Variants in EYS observed in about 807,000 individuals in gnomAD.
EYS encodes EGF-like photoreceptor maintenance factor.
EYS carries 250 observed loss-of-function variants against 282.1 expected under a neutral mutation model. The ratio of observed to expected loss-of-function variants is 0.89; its 90% CI spans 0.80 to 0.98. The LOEUF is 0.98. EYS is among the 50% of genes least tolerant of loss of function. The pLI, the probability that EYS is intolerant of heterozygous loss-of-function variation, is 0.00. For missense variants in EYS, 4,016 were observed against 3,709.0 expected (o/e 1.08, Z -2.15); for synonymous variants, 1,355 against 1,282.9 (o/e 1.06, Z -1.20).
At chr6:65,274,877 TGCA>T (rs1768000363) in intron 12 of EYS, among the ~76,000 whole-genome samples, 1 of 150,474 alleles carries the variant, frequency 6.6e-6, no homozygotes, top group Non-Finnish European at 1.5e-5. Flanking sequence ...GATAAGTTGC[TGCA>T]TCTGGTTCCT....
chr6:65,396,854 T>A (rs12663614), intron 7 of EYS, among the ~76,000 whole-genome samples: 29,618 of 151,686 alleles, frequency 0.2, 3,104 homozygotes, highest in South Asian at 0.35. Flanking sequence ...TTCTATTTTT[T>A]CTTCTATTAC....
intron 8 of EYS, among the ~76,000 whole-genome samples, chr6:65,374,787 G>A (rs991951165): frequency 6.6e-6 from 1 of 152,038 alleles, no homozygotes; most frequent in East Asian, 1.9e-4. Flanking sequence ...TGGGCGGAAC[G>A]CATCACAGCA....
Position 63,949,998 on chromosome 6 carries a change from C to T in EYS, c.7055+34385G>A, listed in dbSNP as rs188840380. 2.7e-3 allele frequency among the ~76,000 whole-genome samples: 412 copies of T among 152,172 alleles called. 2 individuals carry two copies. The highest frequency in any genetic ancestry group is 9.5e-3 in the African/African-American group (394 of 41,536). On this transcript the variant is annotated intron_variant, in intron 35 of 42. Coordinates refer to ENST00000503581, the MANE Select transcript of EYS (RefSeq NM_001142800.2). ...ACCAGCCTGGCCAAGATGGTGAAAC[C>T]TCATCTCTACTAAAAATACAAAAAA...
chr6:64,804,193 A>G (rs752824871), intron 22 of EYS, among the ~76,000 whole-genome samples: 18 of 152,220 alleles, frequency 1.2e-4, no homozygotes, highest in Non-Finnish European at 2.5e-4. Context: ...TGAGACAGCC[A>G]TTTGATATTT....
chr6:64,982,558 T>C (rs1184536621), intron 14 of EYS, among the ~76,000 whole-genome samples: 1 of 151,164 alleles, frequency 6.6e-6, no homozygotes. Context: ...TCAAAGAAGT[T>C]TGAAAAGTGT....
chr6:64,793,022 G>T (rs79123689), intron 22 of EYS, among the ~76,000 whole-genome samples: 2,432 of 152,086 alleles, frequency 0.016, 76 homozygotes, highest in African/African-American at 0.056. Context: ...TTTCAAAACT[G>T]ATGTATGAAA....
intron 41 of EYS, among the ~76,000 whole-genome samples, chr6:63,735,958 T>C (rs1291822381): frequency 6.6e-6 from 1 of 152,178 alleles, no homozygotes; most frequent in Admixed American, 6.6e-5. Context: ...AGAAATGACG[T>C]GCACATCAAG....
At chr6:65,369,332 A>ATATATATATATAATATATATATATTTT (rs1765048679) in intron 8 of EYS, among the ~76,000 whole-genome samples, 1 of 141,906 alleles carries the variant, frequency 7.0e-6, no homozygotes, top group Admixed American at 7.6e-5. Flanking sequence ...ATATATATTT[A>ATATATATATATAATATATATATATTTT]TATATATATA....
intron 5 of EYS, among the ~76,000 whole-genome samples, chr6:65,458,331 A>G (rs1764704618): frequency 6.6e-6 from 1 of 152,088 alleles, no homozygotes; most frequent in African/African-American, 2.4e-5. Context: ...ATTCTCCACC[A>G]ACCTATGACT....
rs1244161958 is a variant in EYS at position 64,591,428 on chromosome 6, C to T, written c.4439G>A (p.Arg1480Lys). ...GCTGAGCAATCTCCAGTGCTCTCTT[C>T]TTGAAATTAAAGAATCAGCTGAATA... ...EEYSADSLISRREHWRLLSPS... is the reference protein window; with the variant it reads ...EEYSADSLISKREHWRLLSPS... Residue 1480 changes from arginine (R) to lysine (K), a missense_variant, in exon 26 of 43, where the codon AGA (arginine) becomes AAA (lysine). Arg to Lys is a conservative substitution (Grantham distance 26, BLOSUM62 2). Transcript: ENST00000503581. 1.9e-6 allele frequency: 3 copies of T among 1,551,348 alleles called. No individual in the cohort carries two copies. Among genetic ancestry groups the T allele is most frequent in the African/African-American group, 1.4e-5 (1 of 73,110 alleles).
At chr6:63,836,491 G>T (rs1056733543) in intron 36 of EYS, among the ~76,000 whole-genome samples, 2 of 151,950 alleles carry the variant, frequency 1.3e-5, no homozygotes, top group African/African-American at 4.8e-5. Flanking sequence ...TTAGTTTAAT[G>T]TTAGAAACAG....
chr6:65,108,512 G>T (rs1471081284), intron 12 of EYS, among the ~76,000 whole-genome samples: 2 of 151,980 alleles, frequency 1.3e-5, no homozygotes, highest in East Asian at 3.9e-4. Flanking sequence ...GCCCAGGCTG[G>T]GATGCACTTT....
chr6:64,932,229 C>A (rs1197327264), intron 15 of EYS, among the ~76,000 whole-genome samples: 1 of 151,848 alleles, frequency 6.6e-6, no homozygotes, highest in East Asian at 1.9e-4. Flanking sequence ...AACCTAATAG[C>A]CAGTGGAGGG....
At chr6:64,649,299 T>C (rs1485349231) in intron 22 of EYS, among the ~76,000 whole-genome samples, 1 of 87,704 alleles carries the variant, frequency 1.1e-5, no homozygotes, top group Non-Finnish European at 2.3e-5. Flanking sequence ...ACTTTAATAA[T>C]ATGCTTACAT....
intron 12 of EYS, among the ~76,000 whole-genome samples, chr6:65,268,122 A>G (rs962476872): frequency 3.9e-5 from 6 of 152,066 alleles, no homozygotes; most frequent in African/African-American, 1.4e-4. Context: ...ATGAATAATT[A>G]ATCAGTTACA....
chr6:65,187,156 G>T (rs186083976), intron 12 of EYS, among the ~76,000 whole-genome samples: 1 of 151,690 alleles, frequency 6.6e-6, no homozygotes, highest in Non-Finnish European at 1.5e-5. Context: ...ATTTATTCTA[G>T]GCACACACAA....
At chr6:65,479,843 A>C (rs1458977432) in intron 5 of EYS, among the ~76,000 whole-genome samples, 1 of 152,116 alleles carries the variant, frequency 6.6e-6, no homozygotes, top group Admixed American at 6.6e-5. Flanking sequence ...ACTTTTGCTC[A>C]TCAAAGTACA....
intron 26 of EYS, among the ~76,000 whole-genome samples, chr6:64,464,153 T>C (rs1775844892): frequency 6.6e-6 from 1 of 152,130 alleles, no homozygotes; most frequent in South Asian, 2.1e-4. Flanking sequence ...CCTACCCAAA[T>C]CTACAATTGT....
In EYS at chr6:65,577,028, A is replaced by G. The variant is rs933267306; in HGVS notation, c.-333+62750T>C. Among the ~76,000 whole-genome samples, 3 of 151,888 alleles carry G rather than the reference A, an allele frequency of 2.0e-5. No homozygotes were observed. In the East Asian group the frequency reaches 5.8e-4, roughly 29 times the overall value. On this transcript the variant is annotated intron_variant, in intron 2 of 42. Coordinates refer to ENST00000503581, the MANE Select transcript of EYS (RefSeq NM_001142800.2). ...CTATGAATTTTATGCAATTTACATCAAAATTTCAATGACATTTTTCACAAA... is the reference window on the plus strand; with the variant it reads ...CTATGAATTTTATGCAATTTACATCGAAATTTCAATGACATTTTTCACAAA...
Sources: gnomAD v4.1 joint callset for allele counts (sites outside exome capture counted in the v4.1 genomes callset) on GRCh38, gnomAD v4.1.1 for gene constraint, MANE v1.5 for transcripts, NCBI Gene and HGNC (gene_info 2026-07-23, HGNC 2026-07-21) for gene names.